The following HOOK2 variants were observed in gnomAD, a reference collection of about 807,000 sequenced individuals.
HOOK2 encodes protein Hook homolog 2.
In HOOK2, 108 loss-of-function variants were observed where a neutral mutation model predicts 111.9. That is an observed-to-expected ratio of 0.96 (90% CI 0.83 to 1.13). The LOEUF (loss-of-function observed/expected upper bound fraction) is 1.13. HOOK2 is among the 50% of genes most tolerant of loss of function. The pLI is 0.00. For synonymous variants in HOOK2, 405 were observed against 394.3 expected (o/e 1.03, Z -0.32); for missense variants, 978 against 951.3 (o/e 1.03, Z -0.37).
Position 12,771,401 on chromosome 19 carries a change from C to A in HOOK2, c.596G>T (p.Arg199Leu). 1 of 1,613,510 alleles carries A rather than the reference C, an allele frequency of 6.2e-7. No individual in the cohort carries two copies. Residue 199 changes from arginine to leucine, a missense_variant, in exon 8 of 23, where the codon CGG becomes CTG. Arg to Leu is a moderately radical substitution (Grantham distance 102). Coordinates refer to ENST00000397668, the MANE Select transcript of HOOK2 (RefSeq NM_013312.3). ...ELQQRCLDLE[R>L]QLMLLSEEKQ... The stretch of plus-strand genomic sequence containing the variant: ...CTGCCCCACCTAGGGCCCTACCTGC[C>A]GCTCCAGATCCAGACAGCGCTGCTG...
intron 7 of HOOK2, chr19:12,771,724 A>C (rs1475322138): frequency 5.9e-6 from 3 of 505,046 alleles, no homozygotes; most frequent in Non-Finnish European, 1.1e-5. Context: ...TCTACTAAAA[A>C]CACAAAAATT....
upstream of HOOK2, chr19:12,778,411 C>T (rs11667765): frequency 0.064 from 9,792 of 152,302 alleles, 516 homozygotes; most frequent in Non-Finnish European, 0.093. Flanking sequence ...AGACTCCAGC[C>T]CCTGGGAGCG....
At chr19:12,775,274 C>T in intron 1 of HOOK2, 131 bp downstream of exon 1, 1 of 1,476,888 alleles carries the variant, frequency 6.8e-7, no homozygotes, top group Non-Finnish European at 9.0e-7. Flanking sequence ...GGGCCAGAGT[C>T]CAACGGTCCA....
In HOOK2 at chr19:12,770,032, C is replaced by G; in HGVS notation, c.953G>C (p.Arg318Pro). 2 of 1,540,428 alleles carry G rather than the reference C, an allele frequency of 1.3e-6. No homozygotes were observed. The highest frequency in any genetic ancestry group is 1.7e-6 in the Non-Finnish European group (2 of 1,146,656). ...CTCCCTCAGCTCGCCCAAGCGGCGC[C>G]GGCAACTGGTCAGCGTGGCCTCCAG... is the stretch of plus-strand genomic sequence containing the variant. ...GQLEATLTSC[R>P]RRLGELRELR... Residue 318 changes from arginine to proline, a missense_variant, in exon 11 of 23, where the codon CGG (arginine) becomes CCG (proline). Arg to Pro is a moderately radical substitution (Grantham distance 103). Around this residue, in one of 5 missense-constraint regions of HOOK2, gnomAD observed 388 missense variants for 358.3 expected, o/e 1.08. Coordinates refer to ENST00000397668, the MANE Select transcript of HOOK2 (RefSeq NM_013312.3).
chr19:12,780,133 A>G (rs934706722), upstream of HOOK2, among the ~76,000 whole-genome samples: 1 of 152,020 alleles, frequency 6.6e-6, no homozygotes, highest in African/African-American at 2.4e-5. Context: ...CTAGGTAACA[A>G]AGCAAGACTC....
chr19:12,775,249 CG>C lies in HOOK2; in HGVS notation c.45+155del, dbSNP rs149798790. The C allele has an allele frequency of 2.5e-3, 2,422 of 985,388 alleles. 35 individuals carry two copies. The African/African-American group carries it at 0.038, about 16-fold the overall frequency. 61.0% of individuals were successfully genotyped at this position (985,388 alleles called of 1,614,324 possible). ...CTTTCCACGCAGACTTGCCACGTGA[CG>C]GGGGCGGGTGCTCGGGCCAGAGTCC... On this transcript the variant is annotated intron_variant, in intron 1 of 22. Coordinates refer to ENST00000397668, the MANE Select transcript of HOOK2 (RefSeq NM_013312.3).
Position 12,785,573 on chromosome 19 carries a change from G to A in HOOK2, n.42-11348C>T, listed in dbSNP as rs528247168. On this transcript the variant is annotated intron_variant and non_coding_transcript_variant, in intron 3 of 3. Transcript: ENST00000589765. The stretch of plus-strand genomic sequence containing the variant: ...TAGACCATGTGCAACCCATCCTATA[G>A]AGCTCACACACACACAGAGTGGAAC... 2.6e-5 allele frequency among the ~76,000 whole-genome samples: 4 copies of A among 152,116 alleles called. No homozygotes were observed. In the South Asian group the frequency reaches 6.2e-4, roughly 24 times the overall value.
intron 3 of HOOK2, chr19:12,792,064 T>C: frequency 6.2e-7 from 1 of 1,609,090 alleles, no homozygotes; most frequent in Non-Finnish European, 8.5e-7. Flanking sequence ...AGCAACGGCG[T>C]GATCACGACG....
upstream of HOOK2, among the ~76,000 whole-genome samples, chr19:12,779,148 G>T (rs905555707): frequency 6.6e-6 from 1 of 152,178 alleles, no homozygotes; most frequent in Non-Finnish European, 1.5e-5. Context: ...AGCTGGATTG[G>T]GGAGCCCACC....
chr19:12,769,990 C>T lies in HOOK2; in HGVS notation c.995G>A (p.Arg332Gln), dbSNP rs771752232. 7.8e-6 allele frequency: 12 copies of T among 1,546,714 alleles called. No individual in the cohort carries two copies. The highest frequency in any genetic ancestry group is 1.0e-5 in the Non-Finnish European group (12 of 1,151,080). The change falls in exon 11 of 23, where the codon CGG (arginine) becomes CAG (glutamine). Residue 332 changes from arginine (R) to glutamine (Q), a missense_variant. Transcript: ENST00000397668. ...GCCGGCGTTGCGTTCCTCCAGCTGC[C>T]GCACCTGCCGCCGCAGCTCCCTCAG... ...GELRELRRQV[R>Q]QLEERNAGHA...
At chr19:12,785,296 TCACA>T (rs112239571) in intron 3 of HOOK2, among the ~76,000 whole-genome samples, 31 of 143,874 alleles carry the variant, frequency 2.2e-4, no homozygotes, top group South Asian at 4.5e-4. Context: ...GACCTCTTTT[TCACA>T]CACACACACA....
At chr19:12,771,959 G>C (rs1382100067) in intron 7 of HOOK2, 1 of 534,762 alleles carries the variant, frequency 1.9e-6, no homozygotes, top group Non-Finnish European at 3.3e-6. Flanking sequence ...AGCGATTCCA[G>C]AACACTGGAG....
At chr19:12,770,527 T>C (rs1568367433) in intron 10 of HOOK2, among the ~76,000 whole-genome samples, 1 of 151,334 alleles carries the variant, frequency 6.6e-6, no homozygotes, top group Non-Finnish European at 1.5e-5. Flanking sequence ...GAAGGCACAG[T>C]AGAGTCAAAA....
Position 12,763,719 on chromosome 19 carries a change from ATG to A in HOOK2, c.1885_1886del (p.His629PhefsTer21). 2 of 1,614,216 alleles carry A rather than the reference ATG, an allele frequency of 1.2e-6. No homozygotes were observed. Among genetic ancestry groups the A allele is most frequent in the Non-Finnish European group, 1.7e-6 (2 of 1,180,042 alleles). On this transcript the variant is annotated frameshift_variant, in exon 21 of 23. Transcript: ENST00000397668. LOFTEE classifies it high-confidence loss of function. ...GTTCTCGGAGCTGTGTCCTCAGGGA[ATG>A]GAGTTCTGGAGGTGCCCCCGCAGCT... ...RPAAGAPPEL[H>X]SLRTQLRERD... is the part of the protein sequence containing the mutation.
chr19:12,766,554 G>A (rs1392601348), intron 14 of HOOK2: 1 of 372,614 alleles, frequency 2.7e-6, no homozygotes, highest in African/African-American at 2.1e-5. Flanking sequence ...CAGTTTTTCG[G>A]GGTTTTTTTG....
At chr19:12,780,586 G>A (rs1259936253), upstream of HOOK2, among the ~76,000 whole-genome samples, 52 of 142,754 alleles carry the variant, frequency 3.6e-4, no homozygotes, top group African/African-American at 1.2e-3. Flanking sequence ...TCGATCTCCT[G>A]ACCTCATGAT....
chr19:12,787,555 C>T (rs1333093585), intron 3 of HOOK2, among the ~76,000 whole-genome samples: 1 of 151,772 alleles, frequency 6.6e-6, no homozygotes, highest in Non-Finnish European at 1.5e-5. Flanking sequence ...TAGCTTGAAC[C>T]TGGGAGGTGG....
At chr19:12,768,963 ATTTT>A (rs757287596) in intron 11 of HOOK2, among the ~76,000 whole-genome samples, 1 of 122,318 alleles carries the variant, frequency 8.2e-6, no homozygotes. Context: ...AGCCCGGCTA[ATTTT>A]TTTTTTTTTT....
At chr19:12,769,818 G>C in intron 11 of HOOK2, 63 bp downstream of exon 11, 1 of 1,312,330 alleles carries the variant, frequency 7.6e-7, no homozygotes, top group Non-Finnish European at 9.8e-7. Flanking sequence ...CGGAGGGCTG[G>C]CCAACGGTGA....
Sources: gnomAD v4.1 joint callset for allele counts (sites outside exome capture counted in the v4.1 genomes callset) on GRCh38, gnomAD v4.1.1 for gene constraint, gnomAD v4.1.1 regional missense constraint, MANE v1.5 for transcripts, NCBI Gene and HGNC (gene_info 2026-07-23, HGNC 2026-07-21) for gene names.